The following FNIP2 variants were observed in gnomAD, a reference collection of about 807,000 sequenced individuals.
The protein encoded by FNIP2 is folliculin interacting protein 2, also known as folliculin-interacting protein 2.
Under a neutral mutation model 108.7 loss-of-function variants are expected in FNIP2, and 32 were observed. That is an observed-to-expected ratio of 0.29 (90% CI 0.22 to 0.40). The LOEUF (loss-of-function observed/expected upper bound fraction) is 0.40, where lower values mean the gene tolerates loss of function less well. Ranked by LOEUF, FNIP2 falls within the 10% of genes least tolerant of loss-of-function variation. The probability of loss-of-function intolerance (pLI) is 1.00; values close to 1 mark genes in which losing one functional copy is unlikely to be tolerated. For synonymous variants in FNIP2, 480 were observed against 496.7 expected (o/e 0.97, Z 0.45); for missense variants, 1,202 against 1,381.6 (o/e 0.87, Z 2.06).
At chr4:158,835,018 C>T (rs79330707) in intron 6 of FNIP2, 8,917 of 155,060 alleles carry the variant, frequency 0.058, 306 homozygotes, top group African/African-American at 0.095. Flanking sequence ...GATTATAAAG[C>T]ATTTTGAAAT....
intron 1 of FNIP2, among the ~76,000 whole-genome samples, chr4:158,793,967 C>T (rs927823225): frequency 2.4e-4 from 36 of 152,224 alleles, no homozygotes; most frequent in Middle Eastern, 3.4e-3. Flanking sequence ...CATGTCTAGT[C>T]GGCCCTTGAA....
intron 3 of FNIP2, among the ~76,000 whole-genome samples, 196 bp downstream of exon 3, chr4:158,829,421 A>G (rs1048839816): frequency 6.6e-6 from 1 of 152,172 alleles, no homozygotes; most frequent in Middle Eastern, 3.2e-3. Flanking sequence ...ACTGTAATCA[A>G]GCAGAGGTAA....
Position 158,811,062 on chromosome 4 carries a change from A to G in FNIP2, c.108-14854A>G, listed in dbSNP as rs528928672. Among the ~76,000 whole-genome samples, 126 of 152,290 alleles carry G rather than the reference A, an allele frequency of 8.3e-4. 1 individual carries two copies. The highest frequency in any genetic ancestry group is 1.3e-3 in the Non-Finnish European group (89 of 68,016). On this transcript the variant is annotated intron_variant, in intron 1 of 16. Transcript: ENST00000264433. Reference sequence around the variant, plus strand: ...TGGAGAGAGCAATAACTTGTGACCCATCTAAGATTATAACTGTCAAAAGTC... The same window carrying G: ...TGGAGAGAGCAATAACTTGTGACCCGTCTAAGATTATAACTGTCAAAAGTC...
At chr4:158,858,647 T>G (rs1780119196) in intron 8 of FNIP2, among the ~76,000 whole-genome samples, 1 of 152,218 alleles carries the variant, frequency 6.6e-6, no homozygotes, top group Admixed American at 6.5e-5. Flanking sequence ...CAGTACATGT[T>G]CAAATGTTTA....
intron 1 of FNIP2, among the ~76,000 whole-genome samples, chr4:158,809,755 C>G (rs1553955999): frequency 6.6e-6 from 1 of 152,176 alleles, no homozygotes; most frequent in Non-Finnish European, 1.5e-5. Context: ...AAACAGAGCA[C>G]TTCAGAGTCA....
intron 7 of FNIP2, among the ~76,000 whole-genome samples, chr4:158,841,267 G>T (rs1204787593): frequency 6.6e-6 from 1 of 152,142 alleles, no homozygotes; most frequent in Non-Finnish European, 1.5e-5. Context: ...TGGGGTGAGG[G>T]TTCCTGCATA....
chr4:158,881,595 C>T (rs1781636130), intron 14 of FNIP2, among the ~76,000 whole-genome samples: 1 of 152,360 alleles, frequency 6.6e-6, no homozygotes, highest in Non-Finnish European at 1.5e-5. Context: ...TGATTGCAGG[C>T]GCGTGCCGCC....
intron 3 of FNIP2, among the ~76,000 whole-genome samples, chr4:158,830,680 G>T (rs892630035): frequency 4.6e-5 from 7 of 152,238 alleles, no homozygotes; most frequent in Non-Finnish European, 8.8e-5. Flanking sequence ...TTTAAAAAAA[G>T]ATTTGGAAGA....
At chr4:158,891,400 G>A (rs1230018039) in intron 14 of FNIP2, 46 bp from the exon 15 acceptor site, 1 of 1,529,394 alleles carries the variant, frequency 6.5e-7, no homozygotes, top group Non-Finnish European at 8.9e-7. Flanking sequence ...TGACCTTTTG[G>A]ACTCACCTGG....
rs757532773 is a variant in FNIP2, at chr4:158,859,676, C to A, written c.1148+10C>A. 3.7e-6 allele frequency: 6 copies of A among 1,606,258 alleles called. No homozygotes were observed. Among genetic ancestry groups the A allele is most frequent in the South Asian group, 2.2e-5 (2 of 90,090 alleles). On this transcript the variant is annotated intron_variant, in intron 10 of 16. Transcript: ENST00000264433. ...CTCTGGGAGAATTCAGGTAAAGTGG[C>A]AAAGTTTGGCAAATCCAACAGGAGA...
At chr4:158,816,610 C>T (rs2126528929) in intron 1 of FNIP2, among the ~76,000 whole-genome samples, 1 of 152,026 alleles carries the variant, frequency 6.6e-6, no homozygotes, top group East Asian at 1.9e-4. Context: ...TGCTGAAACC[C>T]CCTCTCTACT....
chr4:158,805,446 G>A (rs149598411), intron 1 of FNIP2, among the ~76,000 whole-genome samples: 351 of 152,244 alleles, frequency 2.3e-3, no homozygotes, highest in African/African-American at 7.7e-3. Flanking sequence ...AGCTGCTTTT[G>A]TCCTCAGGTT....
intron 14 of FNIP2, among the ~76,000 whole-genome samples, chr4:158,887,553 A>G (rs970613710): frequency 2.0e-5 from 3 of 152,050 alleles, no homozygotes; most frequent in Non-Finnish European, 2.9e-5. Context: ...CCTGGCCAAC[A>G]TGGTGAAACC....
At chr4:158,889,579 A>G (rs1440766762) in intron 14 of FNIP2, among the ~76,000 whole-genome samples, 2 of 152,184 alleles carry the variant, frequency 1.3e-5, no homozygotes, top group African/African-American at 2.4e-5. Flanking sequence ...TTGCAAATCA[A>G]TCCTCCTCCT....
At chr4:158,808,378 C>T (rs1777086785) in intron 1 of FNIP2, among the ~76,000 whole-genome samples, 2 of 152,084 alleles carry the variant, frequency 1.3e-5, no homozygotes, top group South Asian at 2.1e-4. Flanking sequence ...TACCTGTTAT[C>T]CTCTTTCCTT....
rs549147722 is a variant in FNIP2 at position 158,848,878 on chromosome 4, T to C, written c.728-2443T>C. Among the ~76,000 whole-genome samples the C allele has an allele frequency of 2.0e-5, 3 of 152,340 alleles. No homozygotes were observed. The South Asian group carries it at 6.2e-4, about 32-fold the overall frequency. Reference sequence around the variant, plus strand: ...TATATGGCATGGGAGCCTTCAGAGATACCCAAAGACCCAAGGGAAAACTGT... The same window carrying C: ...TATATGGCATGGGAGCCTTCAGAGACACCCAAAGACCCAAGGGAAAACTGT... On this transcript the variant is annotated intron_variant, in intron 7 of 16. Coordinates refer to ENST00000264433, the MANE Select transcript of FNIP2 (RefSeq NM_020840.3).
At chr4:158,805,071 A>T (rs1307199839) in intron 1 of FNIP2, among the ~76,000 whole-genome samples, 1 of 152,234 alleles carries the variant, frequency 6.6e-6, no homozygotes, top group Non-Finnish European at 1.5e-5. Flanking sequence ...TCTCACACTC[A>T]TGGAGTGAAA....
intron 3 of FNIP2, 97 bp downstream of exon 3, chr4:158,829,322 A>G (rs1164700348): frequency 4.1e-5 from 43 of 1,045,760 alleles, no homozygotes; most frequent in Non-Finnish European, 5.7e-5. Context: ...GCTCTACTCC[A>G]GGAATATGAG....
At chr4:158,784,660 C>T (rs1391023866) in intron 1 of FNIP2, among the ~76,000 whole-genome samples, 1 of 152,128 alleles carries the variant, frequency 6.6e-6, no homozygotes, top group Non-Finnish European at 1.5e-5. Flanking sequence ...GCCTAGCTCC[C>T]TCGCGTGCGC....
Sources: gnomAD v4.1 joint callset for allele counts (sites outside exome capture counted in the v4.1 genomes callset) on GRCh38, gnomAD v4.1.1 for gene constraint, MANE v1.5 for transcripts, NCBI Gene and HGNC (gene_info 2026-07-23, HGNC 2026-07-21) for gene names.